Variants in DCLK1 observed in about 807,000 individuals in gnomAD.
DCLK1 encodes the protein doublecortin like kinase 1.
A neutral mutation model predicts 86.2 loss-of-function variants in DCLK1; 16 were observed. That is an observed-to-expected ratio of 0.19 (90% CI 0.13 to 0.28). The LOEUF (loss-of-function observed/expected upper bound fraction) is 0.28. Ranked by LOEUF, DCLK1 falls within the 10% of genes least tolerant of loss-of-function variation. The pLI, the probability that DCLK1 is intolerant of heterozygous loss-of-function variation, is 1.00. For missense variants in DCLK1, 590 were observed against 940.2 expected, an observed-to-expected ratio of 0.63 and a Z score of 4.87; for synonymous variants, 369 against 370.5, an observed-to-expected ratio of 1.00 and a Z score of 0.05.
intron 10 of DCLK1, among the ~76,000 whole-genome samples, chr13:35,825,487 G>A (rs759735590): frequency 3.3e-5 from 5 of 152,142 alleles, no homozygotes; most frequent in Non-Finnish European, 5.9e-5. Context: ...CCAAGCACAC[G>A]ATTGACAGAC....
At chr13:35,865,853 T>C (rs1312329107) in intron 5 of DCLK1, among the ~76,000 whole-genome samples, 4 of 152,212 alleles carry the variant, frequency 2.6e-5, no homozygotes, top group East Asian at 1.9e-4. Context: ...AGCAATACTA[T>C]ACATCAGGAA....
intron 3 of DCLK1, among the ~76,000 whole-genome samples, chr13:35,982,766 T>TTTTG (rs1187969771): frequency 1.1e-3 from 172 of 152,010 alleles, no homozygotes; most frequent in African/African-American, 4.1e-3. Context: ...ATTGCTTTTT[T>TTTTG]TTTGTTTGTT....
In DCLK1 at chr13:35,918,892, G is replaced by GTTTTTTTTTTTTTTTTTTTTTTTTT. The variant is rs749567335; in HGVS notation, c.823+28465_823+28466insAAAAAAAAAAAAAAAAAAAAAAAAA. ...AAAAAGAAATCTTCCTTCTGAGTGT[G>GTTTTTTTTTTTTTTTTTTTTTTTTT]TTTTTTTTTTTTTTTTTGGAAACGG... On this transcript the variant is annotated intron_variant, in intron 4 of 16. Coordinates refer to ENST00000360631, the MANE Select transcript of DCLK1 (RefSeq NM_001330071.2). 5.2e-5 allele frequency among the ~76,000 whole-genome samples: 4 copies of GTTTTTTTTTTTTTTTTTTTTTTTTT among 76,324 alleles called. 1 individual carries two copies. The highest frequency in any genetic ancestry group is 4.4e-5 in the African/African-American group (1 of 22,622). 50.1% of individuals were successfully genotyped at this position (76,324 alleles called of 152,430 possible). A position where few individuals can be genotyped will look rare whatever the true frequency, so the allele number is the denominator to read the frequency against.
At chr13:36,078,463 G>A (rs1884293948) in intron 3 of DCLK1, among the ~76,000 whole-genome samples, 1 of 152,152 alleles carries the variant, frequency 6.6e-6, no homozygotes, top group Non-Finnish European at 1.5e-5. Context: ...TGTAGCAGTT[G>A]GGTAGAGTTC....
At chr13:36,095,185 T>C (rs1884965354) in intron 3 of DCLK1, among the ~76,000 whole-genome samples, 1 of 122,574 alleles carries the variant, frequency 8.2e-6, no homozygotes. Context: ...TTTTTTTTTT[T>C]GTTTTTTTTG....
chr13:35,867,963 A>AAGAGAGAG (rs1555345767), intron 5 of DCLK1, among the ~76,000 whole-genome samples: 3 of 135,240 alleles, frequency 2.2e-5, no homozygotes, highest in Non-Finnish European at 3.1e-5. Context: ...GAAAGAAAGA[A>AAGAGAGAG]AGAGAAAAAG....
At chr13:35,847,426 A>G (rs2153109252) in intron 6 of DCLK1, 1 of 985,210 alleles carries the variant, frequency 1.0e-6, no homozygotes, top group Non-Finnish European at 1.2e-6. Context: ...AGATACTTAC[A>G]GAAGCATACC....
chr13:35,882,147 G>A lies in DCLK1; in HGVS notation c.824-10807C>T, dbSNP rs571219894. 5.3e-5 allele frequency among the ~76,000 whole-genome samples: 8 copies of A among 152,246 alleles called. No homozygotes were observed. In the South Asian group the frequency reaches 1.0e-3, roughly 20 times the overall value. On this transcript the variant is annotated intron_variant, in intron 4 of 16. Transcript: ENST00000360631. ...CTCCAAAAGCTCTAGAATGGAATCC[G>A]TTCCTTGTCGCTTATAGTTTCTGGT...
chr13:35,899,110 T>C (rs1251221486), intron 4 of DCLK1, among the ~76,000 whole-genome samples: 1 of 152,198 alleles, frequency 6.6e-6, no homozygotes. Context: ...ATGCAATGAC[T>C]GACACTGAGG....
chr13:36,076,197 T>G (rs539849947), intron 3 of DCLK1, among the ~76,000 whole-genome samples: 1 of 152,290 alleles, frequency 6.6e-6, no homozygotes, highest in African/African-American at 2.4e-5. Context: ...TTAAAAAATG[T>G]ATGAGGAGAA....
intron 4 of DCLK1, among the ~76,000 whole-genome samples, chr13:35,918,892 G>GTTTTTTTTATTTTTTT (rs1875603708): frequency 1.3e-5 from 1 of 76,310 alleles, no homozygotes; most frequent in Non-Finnish European, 2.5e-5. Flanking sequence ...TTCTGAGTGT[G>GTTTTTTTTATTTTTTT]TTTTTTTTTT....
At chr13:35,969,434 T>C (rs1410371684) in intron 3 of DCLK1, among the ~76,000 whole-genome samples, 3 of 152,298 alleles carry the variant, frequency 2.0e-5, no homozygotes, top group Admixed American at 1.3e-4. Flanking sequence ...CCAAGGATAC[T>C]TGGAGCCACC....
chr13:36,035,113 C>G (rs1457137926), intron 3 of DCLK1, among the ~76,000 whole-genome samples: 1 of 152,128 alleles, frequency 6.6e-6, no homozygotes, highest in Non-Finnish European at 1.5e-5. Context: ...CAAATCACAT[C>G]GCTGCCCATG....
chr13:36,065,932 C>A (rs1202948384), intron 3 of DCLK1, among the ~76,000 whole-genome samples: 1 of 152,086 alleles, frequency 6.6e-6, no homozygotes. Flanking sequence ...GCAATGGTAA[C>A]AGCAATTGTA....
chr13:35,960,389 A>T (rs1031274220), intron 3 of DCLK1, among the ~76,000 whole-genome samples: 3 of 152,262 alleles, frequency 2.0e-5, no homozygotes, highest in African/African-American at 7.2e-5. Context: ...AGTTGGAAGG[A>T]AGCAGAGTAA....
intron 4 of DCLK1, among the ~76,000 whole-genome samples, chr13:35,874,745 C>T (rs138055430): frequency 1.4e-4 from 22 of 152,296 alleles, no homozygotes; most frequent in African/African-American, 3.8e-4. Context: ...GGGACAATAA[C>T]GCCCAAGGTG....
chr13:36,116,936 A>G (rs959744047), intron 2 of DCLK1, among the ~76,000 whole-genome samples: 2 of 152,220 alleles, frequency 1.3e-5, no homozygotes, highest in African/African-American at 2.4e-5. Context: ...GCACAGCAAC[A>G]TTTCATAATC....
intron 3 of DCLK1, among the ~76,000 whole-genome samples, chr13:36,103,256 C>T (rs1486065637): frequency 6.6e-6 from 1 of 151,914 alleles, no homozygotes; most frequent in Non-Finnish European, 1.5e-5. Flanking sequence ...CAAAAATTAG[C>T]TGGGTGTGGT....
chr13:35,901,820 C>T (rs1350233713), intron 4 of DCLK1, among the ~76,000 whole-genome samples: 2 of 152,046 alleles, frequency 1.3e-5, no homozygotes, highest in African/African-American at 4.8e-5. Flanking sequence ...CTGCCAACCA[C>T]GACTTCCACA....
Sources: gnomAD v4.1 joint callset for allele counts (sites outside exome capture counted in the v4.1 genomes callset) on GRCh38, gnomAD v4.1.1 for gene constraint, MANE v1.5 for transcripts, NCBI Gene and HGNC (gene_info 2026-07-23, HGNC 2026-07-21) for gene names.